Variants in ENGASE observed in about 807,000 individuals in gnomAD.
The protein encoded by ENGASE is endo-beta-N-acetylglucosaminidase.
ENGASE carries 69 observed loss-of-function variants against 78.5 expected under a neutral mutation model. The ratio of observed to expected loss-of-function variants is 0.88; its 90% CI spans 0.72 to 1.07. The LOEUF (loss-of-function observed/expected upper bound fraction) is 1.07, where lower values mean the gene tolerates loss of function less well. Ranked by LOEUF, ENGASE falls within the 50% of genes least tolerant of loss-of-function variation. The pLI, the probability that ENGASE is intolerant of heterozygous loss-of-function variation, is 0.00. For missense variants in ENGASE, 943 were observed against 988.4 expected (o/e 0.95, Z 0.62); for synonymous variants, 408 against 408.9 (o/e 1.00, Z 0.03).
chr17:79,085,397 A>C, intron 12 of ENGASE, 55 bp downstream of exon 12: 1 of 1,470,428 alleles, frequency 6.8e-7, no homozygotes, highest in Non-Finnish European at 9.2e-7. Context: ...TCTGTTGGGA[A>C]ACCCCAGAGC....
Position 79,083,955 on chromosome 17 carries a change from G to C in ENGASE, c.1442+4G>C. 1 of 1,608,858 alleles carries C rather than the reference G, an allele frequency of 6.2e-7. No homozygotes were observed. Among genetic ancestry groups the C allele is most frequent in the Non-Finnish European group, 8.5e-7 (1 of 1,179,322 alleles). ...AGGTTGGAAATGTGGCTGTGAGGTG[G>C]GTGAGTGACGGAGGACGGTGGGCCC... On this transcript the variant is annotated splice_donor_region_variant and intron_variant, in intron 10 of 13. Transcript: ENST00000579016. This position sits in a 1 kb window ranked among gnomAD's most constrained non-coding sequence, Gnocchi z 4.9.
intron 1 of ENGASE, among the ~76,000 whole-genome samples, chr17:79,076,986 G>T (rs1367928036): frequency 3.3e-5 from 5 of 152,196 alleles, no homozygotes; most frequent in African/African-American, 1.2e-4. Context: ...GATTCTCCCT[G>T]CCTCAGCCTC....
At position 79,074,906 on chromosome 17, in the gene ENGASE, C is replaced by T. The variant is rs529747184; in HGVS notation, c.-39C>T. ...GCCGAGCGCGGCGCGGGGGCGGGCC[C>T]GGGCCTGCGATTGCCTCTCGGCGTG... is the stretch of plus-strand genomic sequence containing the variant. On this transcript the variant is annotated 5_prime_UTR_variant, in exon 1 of 14. Transcript: ENST00000579016. 2.0e-5 allele frequency: 25 copies of T among 1,252,134 alleles called. No individual in the cohort carries two copies. The highest frequency in any genetic ancestry group is 7.0e-5 in the Admixed American group (2 of 28,644). 77.6% of individuals were successfully genotyped at this position (1,252,134 alleles called of 1,614,324 possible).
At chr17:79,082,584 C>T (rs746379220) in intron 7 of ENGASE, 100 of 1,250,316 alleles carry the variant, frequency 8.0e-5, no homozygotes, top group Admixed American at 7.9e-4. Flanking sequence ...ATGCGCAGGG[C>T]TCTGCCTGCC....
In ENGASE at chr17:79,075,500, C is replaced by G. The variant is rs571913677; in HGVS notation, c.146+410C>G. On this transcript the variant is annotated intron_variant, in intron 1 of 13. Transcript: ENST00000579016. ...GGGGTGGCCTTCTGTAGGGGTGACACTAGAACTGAGTCTTTGGGGAGGAGG... is the reference window on the plus strand; with the variant it reads ...GGGGTGGCCTTCTGTAGGGGTGACAGTAGAACTGAGTCTTTGGGGAGGAGG... Among the ~76,000 whole-genome samples, 109 of 152,340 alleles carry G rather than the reference C, an allele frequency of 7.2e-4. 1 individual carries two copies. The highest frequency in any genetic ancestry group is 2.5e-3 in the African/African-American group (103 of 41,580).
At chr17:79,082,580 A>C in intron 7 of ENGASE, 2 of 1,244,946 alleles carry the variant, frequency 1.6e-6, no homozygotes, top group South Asian at 2.8e-5. Flanking sequence ...TGGGATGCGC[A>C]GGGCTCTGCC....
chr17:79,083,659 C>A lies in ENGASE; in HGVS notation c.1251+69C>A, dbSNP rs564963327. Reference sequence around the variant, plus strand: ...TGGGACAGGTGGGAGGAGCCTGGGACTTGCCAGCAGGCACGGTGGTGGTCT... The same window carrying A: ...TGGGACAGGTGGGAGGAGCCTGGGAATTGCCAGCAGGCACGGTGGTGGTCT... On this transcript the variant is annotated intron_variant, in intron 9 of 13. Coordinates refer to ENST00000579016, the MANE Select transcript of ENGASE (RefSeq NM_001042573.3). The surrounding 1 kb of genome is among the most constrained non-coding windows in gnomAD (Gnocchi z 4.9). The A allele has an allele frequency of 5.1e-6, 8 of 1,573,812 alleles. No homozygotes were observed. In the South Asian group the frequency reaches 7.8e-5, roughly 15 times the overall value.
intron 13 of ENGASE, 51 bp downstream of exon 13, chr17:79,085,785 AG>A (rs1337168313): frequency 6.2e-7 from 1 of 1,605,140 alleles, no homozygotes; most frequent in Admixed American, 1.7e-5. Context: ...GTCCAGCTGG[AG>A]TGGGGGTGGA....
chr17:79,086,418 C>G lies in ENGASE; in HGVS notation c.*69C>G. 2 of 1,517,540 alleles carry G rather than the reference C, an allele frequency of 1.3e-6. No individual in the cohort carries two copies. The highest frequency in any genetic ancestry group is 1.8e-6 in the Non-Finnish European group (2 of 1,133,198). 94.0% of individuals were successfully genotyped at this position (1,517,540 alleles called of 1,614,324 possible). A position where few individuals can be genotyped will look rare whatever the true frequency, so the allele number is the denominator to read the frequency against. Reference sequence around the variant, plus strand: ...CTCTTCCCGGCTGTCTGCCCCTGGCCTGCGCTGGACCTGCTAAGTGCCCAC... The same window carrying G: ...CTCTTCCCGGCTGTCTGCCCCTGGCGTGCGCTGGACCTGCTAAGTGCCCAC... On this transcript the variant is annotated 3_prime_UTR_variant, in exon 14 of 14. Coordinates refer to ENST00000579016, the MANE Select transcript of ENGASE (RefSeq NM_001042573.3).
chr17:79,079,438 G>A, intron 3 of ENGASE, 51 bp from the exon 4 acceptor site: 1 of 1,586,732 alleles, frequency 6.3e-7, no homozygotes, highest in South Asian at 1.1e-5. Context: ...AAAGTGCTGG[G>A]AATAAAGGCA....
In ENGASE at chr17:79,087,231, C is replaced by CCAGCCT. The variant is rs1244164374; in HGVS notation, c.*883_*888dup. The CCAGCCT allele has an allele frequency of 2.8e-6, 1 of 356,668 alleles. No homozygotes were observed. The highest frequency in any genetic ancestry group is 5.6e-6 in the Non-Finnish European group (1 of 178,330). The allele number at this position is 356,668 out of a possible 1,614,324, so 22.1% of individuals were successfully genotyped here. On this transcript the variant is annotated 3_prime_UTR_variant, in exon 14 of 14. Coordinates refer to ENST00000579016, the MANE Select transcript of ENGASE (RefSeq NM_001042573.3). ...ACCTGCCCCCCGCGCCAGCCCAGCC[C>CCAGCCT]CAGCCTGAGTGCAGGAGCTGCAGGA...
At position 79,082,043 on chromosome 17, in the gene ENGASE, G is replaced by A. The variant is rs894577904; in HGVS notation, c.1018G>A (p.Gly340Ser). Reference protein sequence around the residue: ...DVFARGNVVGGRFDTDKSLEL... With the variant: ...DVFARGNVVGSRFDTDKSLEL... The stretch of plus-strand genomic sequence containing the variant: ...GTTTGCTCGAGGGAACGTGGTCGGA[G>A]GCCGATTCGACACAGACAAGGTGGG... Residue 340 changes from glycine to serine, a missense_variant, in exon 7 of 14, where the codon GGC becomes AGC. Coordinates refer to ENST00000579016, the MANE Select transcript of ENGASE (RefSeq NM_001042573.3). The A allele has an allele frequency of 1.2e-6, 2 of 1,614,238 alleles. No homozygotes were observed. The highest frequency in any genetic ancestry group is 1.1e-5 in the South Asian group (1 of 91,088).
chr17:79,075,128 G>A (rs2072936683), intron 1 of ENGASE, 38 bp downstream of exon 1: 3 of 1,202,962 alleles, frequency 2.5e-6, no homozygotes, highest in African/African-American at 1.6e-5. Context: ...CGATCCGCGG[G>A]GCTGAGAGTC....
chr17:79,078,817 C>G (rs991625339), intron 3 of ENGASE, among the ~76,000 whole-genome samples: 20 of 136,670 alleles, frequency 1.5e-4, no homozygotes, highest in African/African-American at 5.0e-4. Context: ...CCGGGAGACT[C>G]TGTTCTGAGG....
At position 79,074,984 on chromosome 17, in the gene ENGASE, C is replaced by A. The variant is rs1219990261; in HGVS notation, c.40C>A (p.Arg14=). The A allele has an allele frequency of 6.6e-6, 8 of 1,205,244 alleles. No individual in the cohort carries two copies. The highest frequency in any genetic ancestry group is 4.7e-5 in the African/African-American group (3 of 64,070). 74.7% of individuals were successfully genotyped at this position (1,205,244 alleles called of 1,614,324 possible). A position where few individuals can be genotyped will look rare whatever the true frequency, so the allele number is the denominator to read the frequency against. The change falls in exon 1 of 14, where the codon CGG becomes AGG. Residue 14 remains arginine (R), a synonymous_variant. Coordinates refer to ENST00000579016, the MANE Select transcript of ENGASE (RefSeq NM_001042573.3). ...GGTGACGGTCACCCGGTCGGCTACACGGCGGCGGCGGCGGCAGCTGCAGGG... is the reference window on the plus strand; with the variant it reads ...GGTGACGGTCACCCGGTCGGCTACAAGGCGGCGGCGGCGGCAGCTGCAGGG... The part of the protein sequence containing the change: ...AAVTVTRSAT[R]RRRRQLQGLA...
chr17:79,085,401 C>T (rs955421356), intron 12 of ENGASE, 59 bp downstream of exon 12: 1 of 1,456,632 alleles, frequency 6.9e-7, no homozygotes, highest in Non-Finnish European at 9.3e-7. Context: ...TTGGGAAACC[C>T]CAGAGCTGGA....
chr17:79,081,747 TGTGTGGGGTG>T (rs1326298962), intron 6 of ENGASE, 141 bp from the exon 7 acceptor site: 16 of 609,998 alleles, frequency 2.6e-5, no homozygotes, highest in Middle Eastern at 4.7e-4. Context: ...AGGCTGAGGC[TGTGTGGGGTG>T]GGGTGGGGTG....
chr17:79,076,587 G>T (rs906108221), intron 1 of ENGASE, among the ~76,000 whole-genome samples: 12 of 152,312 alleles, frequency 7.9e-5, no homozygotes, highest in African/African-American at 2.6e-4. Context: ...ATTTTTAAAA[G>T]AAAGTGGTTT....
intron 6 of ENGASE, among the ~76,000 whole-genome samples, 196 bp downstream of exon 6, chr17:79,081,269 G>A (rs1489874101): frequency 1.3e-5 from 2 of 152,176 alleles, no homozygotes; most frequent in African/African-American, 2.4e-5. Flanking sequence ...TTGGGACGCC[G>A]AGGTGGGCAG....
Sources: gnomAD v4.1 joint callset for allele counts (sites outside exome capture counted in the v4.1 genomes callset) on GRCh38, gnomAD v4.1.1 for gene constraint, Gnocchi (gnomAD v3.1) non-coding constraint, MANE v1.5 for transcripts, NCBI Gene and HGNC (gene_info 2026-07-23, HGNC 2026-07-21) for gene names.